The following RC3H1 variants were observed in gnomAD, a reference collection of about 807,000 sequenced individuals.
The protein encoded by RC3H1 is ring finger and CCCH-type domains 1, also known as roquin-1.
In RC3H1, 50 loss-of-function variants were observed where a neutral mutation model predicts 138.2. That is an observed-to-expected ratio of 0.36 (90% confidence interval 0.29 to 0.46). The LOEUF (loss-of-function observed/expected upper bound fraction) is 0.46. Ranked by LOEUF, RC3H1 falls within the 20% of genes least tolerant of loss-of-function variation. The pLI, the probability that RC3H1 is intolerant of heterozygous loss-of-function variation, is 1.00. For synonymous variants in RC3H1, 462 were observed against 489.1 expected, an observed-to-expected ratio of 0.94 and a Z score of 0.73; for missense variants, 1,031 against 1,388.1, an observed-to-expected ratio of 0.74 and a Z score of 4.09.
intron 1 of RC3H1, among the ~76,000 whole-genome samples, chr1:174,014,901 A>G (rs1661833214): frequency 6.6e-6 from 1 of 152,214 alleles, no homozygotes; most frequent in South Asian, 2.1e-4. Context: ...TCCCAAAATT[A>G]CAAACATAAT....
intron 2 of RC3H1, 149 bp from the exon 3 acceptor site, chr1:173,984,768 A>C (rs933085285): frequency 1.5e-4 from 119 of 786,064 alleles, no homozygotes; most frequent in Non-Finnish European, 2.2e-4. Context: ...TCCTATTAAC[A>C]TGTATCTTTG....
At chr1:173,963,131 GTAT>G (rs1479106523) in intron 11 of RC3H1, among the ~76,000 whole-genome samples, 1 of 151,830 alleles carries the variant, frequency 6.6e-6, no homozygotes, top group Non-Finnish European at 1.5e-5. Flanking sequence ...TCCATACCTG[GTAT>G]TATCATTAAA....
At chr1:173,983,350 C>T (rs1660897950) in intron 4 of RC3H1, 68 bp downstream of exon 4, 1 of 1,557,612 alleles carries the variant, frequency 6.4e-7, no homozygotes, top group African/African-American at 1.4e-5. Flanking sequence ...CTTTGTACAT[C>T]ACTTATAATT....
At chr1:173,964,782 C>G in intron 10 of RC3H1, 57 bp downstream of exon 10, 1 of 1,374,638 alleles carries the variant, frequency 7.3e-7, no homozygotes, top group East Asian at 2.4e-5. Flanking sequence ...ATTATTCTAT[C>G]TTCCTTCGAC....
At position 173,961,757 on chromosome 1, in the gene RC3H1, G is replaced by A. The variant is rs751862503; in HGVS notation, c.2170C>T (p.His724Tyr). The change falls in exon 12 of 20, where the codon CAT (histidine) becomes TAT (tyrosine). Residue 724 changes from histidine to tyrosine, a missense_variant. Coordinates refer to ENST00000367696, the MANE Select transcript of RC3H1 (RefSeq NM_172071.4). ...QIESYYPVAP[H>Y]PTQIRPSYLR... Reference sequence around the variant, plus strand: ...TACGAAGGTCTGATCTGAGTTGGATGAGGAGCCACTGGATAGTAACTCTCG... The same window carrying A: ...TACGAAGGTCTGATCTGAGTTGGATAAGGAGCCACTGGATAGTAACTCTCG... 5.6e-6 allele frequency: 9 copies of A among 1,612,660 alleles called. No individual in the cohort carries two copies. The highest frequency in any genetic ancestry group is 7.6e-6 in the Non-Finnish European group (9 of 1,179,964).
rs776108122 is a variant in RC3H1 at position 173,943,435 on chromosome 1, C to CA, written c.3135+6dup. ...CCTTCCCTCTCTTTCCCCACCATAACACTCACCATACTCAGTTCCCGTGTT... is the reference window on the plus strand; with the variant it reads ...CCTTCCCTCTCTTTCCCCACCATAACAACTCACCATACTCAGTTCCCGTGTT... On this transcript the variant is annotated splice_region_variant and intron_variant, in intron 18 of 19. Coordinates refer to ENST00000367696, the MANE Select transcript of RC3H1 (RefSeq NM_172071.4). The CA allele has an allele frequency of 8.1e-6, 13 of 1,608,726 alleles. No homozygotes were observed. The Admixed American group carries it at 2.2e-4, about 27-fold the overall frequency.
chr1:173,945,686 T>A (rs1386207784), intron 17 of RC3H1, among the ~76,000 whole-genome samples: 3 of 151,910 alleles, frequency 2.0e-5, no homozygotes, highest in Non-Finnish European at 4.4e-5. Context: ...ACACCGGAAC[T>A]ATGTTTTACT....
At chr1:173,985,273 G>C (rs1660979078) in intron 2 of RC3H1, among the ~76,000 whole-genome samples, 2 of 152,118 alleles carry the variant, frequency 1.3e-5, no homozygotes, top group Non-Finnish European at 2.9e-5. Flanking sequence ...GAACATCTGT[G>C]TACAAGTTTT....
intron 1 of RC3H1, among the ~76,000 whole-genome samples, chr1:174,001,326 G>C (rs950875292): frequency 2.6e-5 from 4 of 152,282 alleles, no homozygotes; most frequent in Admixed American, 6.5e-5. Flanking sequence ...TATGTAGTTT[G>C]AATCTCCAGG....
At chr1:173,998,241 G>A (rs74126485) in intron 1 of RC3H1, among the ~76,000 whole-genome samples, 2 of 152,234 alleles carry the variant, frequency 1.3e-5, no homozygotes, top group Non-Finnish European at 2.9e-5. Flanking sequence ...GCCAAATCTA[G>A]TTCATTAGGA....
At chr1:174,009,783 A>G (rs1168783954) in intron 1 of RC3H1, among the ~76,000 whole-genome samples, 1 of 152,210 alleles carries the variant, frequency 6.6e-6, no homozygotes, top group Non-Finnish European at 1.5e-5. Context: ...GGTTGCAGTG[A>G]GCCGAGATCG....
chr1:173,952,603 T>C (rs1309480679), intron 13 of RC3H1, among the ~76,000 whole-genome samples: 2 of 152,076 alleles, frequency 1.3e-5, no homozygotes, highest in Non-Finnish European at 2.9e-5. Context: ...TTGATTTTTA[T>C]AGTACATGAT....
intron 6 of RC3H1, among the ~76,000 whole-genome samples, chr1:173,980,292 C>A (rs1473395507): frequency 7.0e-6 from 1 of 143,272 alleles, no homozygotes; most frequent in African/African-American, 2.5e-5. Context: ...GGGGAATAGT[C>A]TGGTAAAAGG....
chr1:174,018,128 GATA>G (rs1264094481), intron 1 of RC3H1, among the ~76,000 whole-genome samples: 1 of 152,110 alleles, frequency 6.6e-6, no homozygotes, highest in East Asian at 1.9e-4. Context: ...AGTGAGCTAT[GATA>G]ATGCCACTGC....
Position 173,943,474 on chromosome 1 carries a change from C to T in RC3H1, c.3103G>A (p.Glu1035Lys), listed in dbSNP as rs1413582685. 1.2e-6 allele frequency: 2 copies of T among 1,613,916 alleles called. No homozygotes were observed. Among genetic ancestry groups the T allele is most frequent in the Non-Finnish European group, 8.5e-7 (1 of 1,179,964 alleles). ...AGTTCCCGTGTTCTCTTCCCGATTTCCCTTTCCACCTGGTGCAGTTCCAAG... is the reference window on the plus strand; with the variant it reads ...AGTTCCCGTGTTCTCTTCCCGATTTTCCTTTCCACCTGGTGCAGTTCCAAG... ...LSLELHQVER[E>K]IGKRTRELSM... Residue 1035 changes from glutamate (E) to lysine (K), a missense_variant, in exon 18 of 20, where the codon GAA (glutamate) becomes AAA (lysine). Physicochemically the swap from Glu to Lys is moderately conservative, Grantham distance 56. Around this residue, in one of 7 missense-constraint regions of RC3H1, gnomAD observed 716 missense variants for 837.9 expected, o/e 0.85. Transcript: ENST00000367696.
chr1:173,971,062 A>G (rs1290636579), intron 8 of RC3H1, among the ~76,000 whole-genome samples: 1 of 151,656 alleles, frequency 6.6e-6, no homozygotes, highest in Non-Finnish European at 1.5e-5. Flanking sequence ...CCCCGGCTCA[A>G]GCGATTCTCC....
At chr1:173,977,275 T>C (rs1230653188) in intron 7 of RC3H1, among the ~76,000 whole-genome samples, 1 of 152,064 alleles carries the variant, frequency 6.6e-6, no homozygotes, top group Non-Finnish European at 1.5e-5. Context: ...GAGGAACTCA[T>C]AGTAGAGGAA....
At chr1:174,008,976 GAAAAAA>G (rs59047478) in intron 1 of RC3H1, among the ~76,000 whole-genome samples, 17 of 84,216 alleles carry the variant, frequency 2.0e-4, no homozygotes, top group African/African-American at 5.4e-4. Context: ...GACTTTGTCT[GAAAAAA>G]AAAAAAAAAA....
chr1:174,004,607 A>G (rs1661619685), intron 1 of RC3H1, among the ~76,000 whole-genome samples: 1 of 151,030 alleles, frequency 6.6e-6, no homozygotes, highest in Non-Finnish European at 1.5e-5. Context: ...GGGGTTCGAG[A>G]CCAGCCTGAC....
Sources: allele counts gnomAD v4.1 joint callset (sites outside exome capture counted in the v4.1 genomes callset), GRCh38; gene constraint gnomAD v4.1.1; regional missense constraint gnomAD v4.1.1; transcripts MANE v1.5; gene names NCBI Gene and HGNC (gene_info 2026-07-23, HGNC 2026-07-21).